Variants in NPEPL1 observed in about 807,000 individuals in gnomAD.
NPEPL1 encodes probable aminopeptidase NPEPL1.
A neutral mutation model predicts 52.4 loss-of-function variants in NPEPL1; 45 were observed. The ratio of observed to expected loss-of-function variants is 0.86; its 90% CI spans 0.68 to 1.10. NPEPL1 has a LOEUF of 1.10. Among genes scored for constraint, NPEPL1 ranks in the 50% least tolerant of loss-of-function variants. NPEPL1 has a pLI of 0.00. For missense variants in NPEPL1, 696 were observed against 710.9 expected (o/e 0.98, Z 0.24); for synonymous variants, 360 against 314.7 (o/e 1.14, Z -1.52).
chr20:58,707,003 C>G (rs1407912347), intron 6 of NPEPL1, 120 bp from the exon 7 acceptor site: 2 of 1,044,580 alleles, frequency 1.9e-6, no homozygotes, highest in Non-Finnish European at 1.4e-6. Context: ...GGGGGCTGCC[C>G]AGGCCTGAGA....
At chr20:58,708,999 C>T (rs561043401) in intron 7 of NPEPL1, among the ~76,000 whole-genome samples, 2 of 152,292 alleles carry the variant, frequency 1.3e-5, no homozygotes, top group South Asian at 4.1e-4. Flanking sequence ...AATGCCCCAG[C>T]AGGAAGACTC....
At chr20:58,704,026 C>G in intron 6 of NPEPL1, 1 of 985,400 alleles carries the variant, frequency 1.0e-6, no homozygotes, top group Non-Finnish European at 1.2e-6. Context: ...TGGAACCGTT[C>G]TACGTGGATT....
chr20:58,692,054 C>T (rs1321922891), upstream of NPEPL1: 13 of 577,706 alleles, frequency 2.3e-5, no homozygotes, highest in Admixed American at 9.3e-5. The surrounding 1 kb of genome is among the most constrained non-coding windows in gnomAD (Gnocchi z 5.7). Flanking sequence ...GCTCCTTCCT[C>T]GTCTCATCTC....
upstream of NPEPL1, among the ~76,000 whole-genome samples, chr20:58,689,945 G>A (rs550229406): frequency 6.6e-6 from 1 of 152,184 alleles, no homozygotes; most frequent in Non-Finnish European, 1.5e-5. Context: ...TAGAAAATAC[G>A]AAGCAGATGC....
chr20:58,712,693 C>A, intron 8 of NPEPL1, 114 bp downstream of exon 8: 1 of 796,258 alleles, frequency 1.3e-6, no homozygotes, highest in Non-Finnish European at 2.2e-6. Context: ...GTTGGGGTCC[C>A]CTGGGCAGCA....
At chr20:58,700,041 C>T (rs1252176811) in intron 5 of NPEPL1, among the ~76,000 whole-genome samples, 2 of 152,190 alleles carry the variant, frequency 1.3e-5, no homozygotes, top group African/African-American at 4.8e-5. Flanking sequence ...CGGGCAGGCT[C>T]ACAACAGGCT....
At chr20:58,702,517 A>G (rs2084651408) in intron 6 of NPEPL1, among the ~76,000 whole-genome samples, 1 of 152,204 alleles carries the variant, frequency 6.6e-6, no homozygotes, top group African/African-American at 2.4e-5. Context: ...AATGACACTA[A>G]TCATAAAAAG....
rs1601104498 is a variant in NPEPL1 at position 58,699,298 on chromosome 20, C to T, written c.679+20C>T. On this transcript the variant is annotated intron_variant, in intron 5 of 11. Coordinates refer to ENST00000356091, the MANE Select transcript of NPEPL1 (RefSeq NM_024663.4). Reference sequence around the variant, plus strand: ...TTGGAGGTGGGTGGGGGCTGCATCCCTGCAGCTCTTGGCCTCGGGCAGTGG... The same window carrying T: ...TTGGAGGTGGGTGGGGGCTGCATCCTTGCAGCTCTTGGCCTCGGGCAGTGG... The T allele has an allele frequency of 6.3e-7, 1 of 1,586,814 alleles. No individual in the cohort carries two copies. The highest frequency in any genetic ancestry group is 8.6e-7 in the Non-Finnish European group (1 of 1,164,180).
intron 6 of NPEPL1, among the ~76,000 whole-genome samples, chr20:58,702,775 G>A (rs2084660370): frequency 6.6e-6 from 1 of 152,148 alleles, no homozygotes; most frequent in Non-Finnish European, 1.5e-5. Flanking sequence ...AATCTCGTGA[G>A]GCAACAGATA....
intron 6 of NPEPL1, among the ~76,000 whole-genome samples, chr20:58,702,641 G>A (rs1479151348): frequency 4.6e-5 from 7 of 152,264 alleles, no homozygotes; most frequent in Admixed American, 6.5e-5. Context: ...CTACACGTTT[G>A]ACAATGGTTT....
chr20:58,692,599 A>C, upstream of NPEPL1: 1 of 141,970 alleles, frequency 7.0e-6, no homozygotes, highest in Non-Finnish European at 1.5e-5. The surrounding 1 kb of genome is among the most constrained non-coding windows in gnomAD (Gnocchi z 5.7). Context: ...CGCTAGGCCC[A>C]GGGGCGGCGC....
chr20:58,690,593 G>A (rs888387944), upstream of NPEPL1, among the ~76,000 whole-genome samples: 2 of 152,190 alleles, frequency 1.3e-5, no homozygotes, highest in Non-Finnish European at 2.9e-5. Context: ...GTTTAGTTTG[G>A]ATTTCTTCAA....
intron 10 of NPEPL1, 138 bp from the exon 11 acceptor site, chr20:58,714,422 C>T (rs2084915560): frequency 1.5e-6 from 1 of 651,890 alleles, no homozygotes; most frequent in Admixed American, 3.0e-5. Context: ...CCCAGCCCAG[C>T]TTCTGCTGCC....
chr20:58,704,155 G>T, intron 6 of NPEPL1: 1 of 985,340 alleles, frequency 1.0e-6, no homozygotes, highest in African/African-American at 1.7e-5. Context: ...TCTCCCCAAC[G>T]GCCTGGTGTG....
chr20:58,704,369 A>G, intron 6 of NPEPL1: 1 of 985,424 alleles, frequency 1.0e-6, no homozygotes, highest in African/African-American at 1.7e-5. Context: ...CAAATGCATT[A>G]CTGGAGACCC....
intron 5 of NPEPL1, among the ~76,000 whole-genome samples, chr20:58,699,746 C>A (rs373721097): frequency 2.0e-4 from 31 of 152,342 alleles, no homozygotes; most frequent in African/African-American, 7.5e-4. Context: ...CCCAAGTCCC[C>A]AGACCCACCT....
intron 7 of NPEPL1, among the ~76,000 whole-genome samples, chr20:58,707,644 C>T (rs1340146878): frequency 6.7e-6 from 1 of 150,134 alleles, no homozygotes; most frequent in Non-Finnish European, 1.5e-5. Context: ...GCCAGGCCCC[C>T]TTCCTCTCTT....
intron 5 of NPEPL1, among the ~76,000 whole-genome samples, chr20:58,699,741 G>A (rs2084574994): frequency 6.6e-6 from 1 of 152,166 alleles, no homozygotes; most frequent in African/African-American, 2.4e-5. Context: ...CCTTCCCCAA[G>A]TCCCCAGACC....
intron 7 of NPEPL1, among the ~76,000 whole-genome samples, chr20:58,709,617 G>A (rs2084797301): frequency 6.6e-6 from 1 of 152,194 alleles, no homozygotes; most frequent in African/African-American, 2.4e-5. Context: ...TCACAACCCA[G>A]CCTAACCAGG....
Sources: gnomAD v4.1 joint callset for allele counts (sites outside exome capture counted in the v4.1 genomes callset) on GRCh38, gnomAD v4.1.1 for gene constraint, Gnocchi (gnomAD v3.1) non-coding constraint, MANE v1.5 for transcripts, NCBI Gene and HGNC (gene_info 2026-07-23, HGNC 2026-07-21) for gene names.